The following TAFA5 variants were observed in gnomAD, a reference collection of about 807,000 sequenced individuals.
TAFA5 encodes chemokine-like protein TAFA-5.
In TAFA5, 6 loss-of-function variants were observed where a neutral mutation model predicts 15.3. That is an observed-to-expected ratio of 0.39 (90% confidence interval 0.21 to 0.77). The LOEUF (loss-of-function observed/expected upper bound fraction) is 0.77. Among genes scored for constraint, TAFA5 ranks in the 30% least tolerant of loss-of-function variants. TAFA5 has a pLI of 0.41. For missense variants in TAFA5, 161 were observed against 193.1 expected, an observed-to-expected ratio of 0.83 and a Z score of 0.98; for synonymous variants, 103 against 80.7, an observed-to-expected ratio of 1.28 and a Z score of -1.48.
intron 1 of TAFA5, among the ~76,000 whole-genome samples, chr22:48,593,390 C>T (rs1017967350): frequency 2.0e-5 from 3 of 151,958 alleles, no homozygotes; most frequent in African/African-American, 7.3e-5. Flanking sequence ...TGATGGTGAC[C>T]GATGTGAAGG....
chr22:48,672,128 G>C (rs894914435), intron 2 of TAFA5, among the ~76,000 whole-genome samples: 2 of 152,206 alleles, frequency 1.3e-5, no homozygotes, highest in Admixed American at 1.3e-4. Context: ...TTTTCATCTC[G>C]AAGTTTCCTT....
intron 2 of TAFA5, among the ~76,000 whole-genome samples, chr22:48,684,742 C>T (rs1287764220): frequency 6.6e-6 from 1 of 152,142 alleles, no homozygotes; most frequent in African/African-American, 2.4e-5. Context: ...CCCCCAAGAG[C>T]GGCTGAGAAC....
chr22:48,645,822 G>A (rs372090316), intron 1 of TAFA5, among the ~76,000 whole-genome samples: 7 of 152,264 alleles, frequency 4.6e-5, no homozygotes, highest in African/African-American at 7.2e-5. Context: ...TGAGACCCCT[G>A]GCCTTAGTGT....
chr22:48,684,907 C>G (rs905499359), intron 2 of TAFA5, among the ~76,000 whole-genome samples: 5 of 152,348 alleles, frequency 3.3e-5, no homozygotes, highest in Admixed American at 2.6e-4. Context: ...GACCAAGAAG[C>G]CAAACTCTGT....
intron 1 of TAFA5, among the ~76,000 whole-genome samples, chr22:48,554,979 A>G (rs133463): frequency 0.75 from 113,560 of 152,104 alleles, 42,632 homozygotes; most frequent in Middle Eastern, 0.82. Flanking sequence ...CAGGGTGGCA[A>G]TGTAGCCCCT....
chr22:48,748,661 G>A (rs537277778), intron 3 of TAFA5, among the ~76,000 whole-genome samples: 6 of 152,276 alleles, frequency 3.9e-5, no homozygotes, highest in Admixed American at 1.3e-4. Flanking sequence ...ACAAGGTGAC[G>A]GCAAGGTCGT....
chr22:48,707,295 G>T (rs1309614552), intron 2 of TAFA5, among the ~76,000 whole-genome samples: 1 of 152,122 alleles, frequency 6.6e-6, no homozygotes. Flanking sequence ...TTCCCCTTTG[G>T]TTACCTCCCT....
intron 3 of TAFA5, among the ~76,000 whole-genome samples, chr22:48,733,949 G>T (rs1929938566): frequency 6.6e-6 from 1 of 152,196 alleles, no homozygotes; most frequent in Non-Finnish European, 1.5e-5. Flanking sequence ...CCAAGAGCTG[G>T]AATGGGCAGC....
chr22:48,545,917 G>C (rs192323227), intron 1 of TAFA5, among the ~76,000 whole-genome samples: 2 of 152,136 alleles, frequency 1.3e-5, no homozygotes, highest in East Asian at 1.9e-4. Context: ...GCTATAACTT[G>C]GCTGGGTTCT....
chr22:48,701,843 G>A (rs371843600), intron 2 of TAFA5, among the ~76,000 whole-genome samples: 5 of 152,310 alleles, frequency 3.3e-5, no homozygotes, highest in South Asian at 4.1e-4. Flanking sequence ...ACTGGGCAGC[G>A]TCCTCTGCGC....
intron 1 of TAFA5, among the ~76,000 whole-genome samples, chr22:48,614,155 G>T (rs938290147): frequency 2.0e-5 from 3 of 152,170 alleles, no homozygotes; most frequent in African/African-American, 4.8e-5. Context: ...CCTGTCTGGG[G>T]CCCCCAGGCG....
At chr22:48,528,961 A>C (rs1921870341) in intron 1 of TAFA5, among the ~76,000 whole-genome samples, 1 of 152,198 alleles carries the variant, frequency 6.6e-6, no homozygotes, top group Non-Finnish European at 1.5e-5. Flanking sequence ...CTGAAGGCCC[A>C]GCCTGGGGAA....
intron 1 of TAFA5, among the ~76,000 whole-genome samples, chr22:48,599,710 G>T (rs550023680): frequency 1.3e-5 from 2 of 152,368 alleles, no homozygotes; most frequent in South Asian, 4.1e-4. Flanking sequence ...ACACAGAGAC[G>T]TGTTGGCTGC....
chr22:48,716,613 C>T (rs1929408892), intron 3 of TAFA5, among the ~76,000 whole-genome samples: 1 of 152,178 alleles, frequency 6.6e-6, no homozygotes, highest in African/African-American at 2.4e-5. Context: ...TGCAGCAAAC[C>T]ACCGTGGCAC....
chr22:48,737,993 G>T (rs550559231), intron 3 of TAFA5, among the ~76,000 whole-genome samples: 1 of 152,180 alleles, frequency 6.6e-6, no homozygotes, highest in South Asian at 2.1e-4. Context: ...CTGTTGGGGG[G>T]GCTCTGGCCT....
intron 1 of TAFA5, among the ~76,000 whole-genome samples, chr22:48,579,498 T>C (rs1336524616): frequency 1.3e-5 from 2 of 152,196 alleles, no homozygotes; most frequent in Non-Finnish European, 2.9e-5. Flanking sequence ...AGGACCCTGA[T>C]GGAAGAGCCG....
In TAFA5 at chr22:48,605,125, A is replaced by C. The variant is rs376038292; in HGVS notation, c.113-41472A>C. 8.9e-5 allele frequency among the ~76,000 whole-genome samples: 8 copies of C among 89,980 alleles called. No individual in the cohort carries two copies. The East Asian group carries it at 2.6e-3, about 29-fold the overall frequency. 59.0% of individuals were successfully genotyped at this position (89,980 alleles called of 152,430 possible). A position where few individuals can be genotyped will look rare whatever the true frequency, so the allele number is the denominator to read the frequency against. On this transcript the variant is annotated intron_variant, in intron 1 of 3. Coordinates refer to ENST00000402357, the MANE Select transcript of TAFA5 (RefSeq NM_001082967.3). ...ATGATAAGGAAGAGGTGGAGGACTGAATGATGATGGTGATGGTGATGATGG... is the reference window on the plus strand; with the variant it reads ...ATGATAAGGAAGAGGTGGAGGACTGCATGATGATGGTGATGGTGATGATGG...
intron 2 of TAFA5, among the ~76,000 whole-genome samples, chr22:48,651,983 T>C (rs1927071374): frequency 6.6e-6 from 1 of 152,190 alleles, no homozygotes; most frequent in South Asian, 2.1e-4. Context: ...TCACTTCTTC[T>C]CTTGCCTTTC....
chr22:48,539,300 G>A (rs1436777517), intron 1 of TAFA5: 2 of 465,690 alleles, frequency 4.3e-6, no homozygotes, highest in East Asian at 1.4e-4. Context: ...CTCCTAAATT[G>A]GTTTATTTGC....
Sources: allele counts gnomAD v4.1 joint callset (sites outside exome capture counted in the v4.1 genomes callset), GRCh38; gene constraint gnomAD v4.1.1; transcripts MANE v1.5; gene names NCBI Gene and HGNC (gene_info 2026-07-23, HGNC 2026-07-21).